The following VPS8 variants were observed in gnomAD, a reference collection of about 807,000 sequenced individuals.
VPS8 encodes the protein VPS8 subunit of CORVET complex, also known as vacuolar protein sorting-associated protein 8 homolog.
VPS8 carries 129 observed loss-of-function variants against 216.4 expected under a neutral mutation model. That is an observed-to-expected ratio of 0.60 (90% CI 0.52 to 0.69). The LOEUF is 0.69. Among genes scored for constraint, VPS8 ranks in the 30% least tolerant of loss-of-function variants. VPS8 has a pLI of 0.00. For missense variants in VPS8, 1,531 were observed against 1,683.5 expected (o/e 0.91, Z 1.59); for synonymous variants, 571 against 565.4 (o/e 1.01, Z -0.14).
At chr3:184,998,394 T>C (rs1165020510) in intron 44 of VPS8, among the ~76,000 whole-genome samples, 9 of 151,160 alleles carry the variant, frequency 6.0e-5, no homozygotes, top group African/African-American at 2.0e-4. Context: ...ATTTAGAAGG[T>C]AGTGGTATTT....
At chr3:184,966,789 T>G in intron 39 of VPS8, 76 bp downstream of exon 39, 2 of 1,115,878 alleles carry the variant, frequency 1.8e-6, no homozygotes, top group Admixed American at 4.5e-5. Flanking sequence ...TAAATTGCAT[T>G]TATTATGTAA....
At chr3:184,929,379 G>A (rs1040019424) in intron 32 of VPS8, among the ~76,000 whole-genome samples, 6 of 151,754 alleles carry the variant, frequency 4.0e-5, no homozygotes, top group Admixed American at 2.6e-4. Flanking sequence ...TTGTAGAGAC[G>A]GGGTCTTGCT....
intron 43 of VPS8, among the ~76,000 whole-genome samples, chr3:184,995,317 G>A (rs57755845): frequency 0.056 from 8,574 of 152,178 alleles, 291 homozygotes; most frequent in Middle Eastern, 0.12. Flanking sequence ...AGGAAAATCT[G>A]GGTGACAGCT....
intron 31 of VPS8, among the ~76,000 whole-genome samples, chr3:184,927,321 T>C (rs1285182977): frequency 6.6e-6 from 1 of 152,184 alleles, no homozygotes. Flanking sequence ...TGCTGAAGTA[T>C]GGCTTTATGG....
intron 1 of VPS8, among the ~76,000 whole-genome samples, chr3:184,813,309 C>G (rs1397922975): frequency 3.3e-5 from 5 of 152,154 alleles, no homozygotes; most frequent in African/African-American, 1.2e-4. Flanking sequence ...ACCCCAAAAC[C>G]CAAGCAAAAC....
In VPS8 at chr3:184,842,840, A is replaced by T. The variant is rs1003478417; in HGVS notation, c.536-400A>T. On this transcript the variant is annotated intron_variant, in intron 7 of 47. Transcript: ENST00000625842. ...ATTATAGGCATATAGTGTTTAAAAA[A>T]ATATATTGGTACTTACCTTATACAG... Among the ~76,000 whole-genome samples the T allele has an allele frequency of 2.0e-5, 3 of 152,198 alleles. No individual in the cohort carries two copies. The East Asian group carries it at 5.8e-4, about 29-fold the overall frequency.
At chr3:185,050,756 C>A (rs537864000) in intron 47 of VPS8, among the ~76,000 whole-genome samples, 1 of 152,176 alleles carries the variant, frequency 6.6e-6, no homozygotes, top group Non-Finnish European at 1.5e-5. Flanking sequence ...TTGGTAGACA[C>A]AGACAGGGCT....
At chr3:184,856,614 G>A (rs1235521087) in intron 14 of VPS8, among the ~76,000 whole-genome samples, 2 of 152,064 alleles carry the variant, frequency 1.3e-5, no homozygotes, top group Non-Finnish European at 2.9e-5. Context: ...AAGTCCTATT[G>A]ACTCTACCTC....
chr3:184,826,563 T>A (rs2108515998), intron 3 of VPS8, among the ~76,000 whole-genome samples: 1 of 152,334 alleles, frequency 6.6e-6, no homozygotes, highest in East Asian at 1.9e-4. Context: ...GCATAAACCA[T>A]CTCTTGTTCA....
At chr3:185,007,174 C>T (rs930303943) in intron 45 of VPS8, among the ~76,000 whole-genome samples, 8 of 152,180 alleles carry the variant, frequency 5.3e-5, no homozygotes, top group Non-Finnish European at 1.5e-5. Context: ...TTCCTTATCT[C>T]CCCCTCTTCC....
At chr3:184,940,519 C>A (rs1742495798) in intron 36 of VPS8, among the ~76,000 whole-genome samples, 1 of 152,140 alleles carries the variant, frequency 6.6e-6, no homozygotes, top group Non-Finnish European at 1.5e-5. Context: ...GCCACAAGGA[C>A]ATGTTTCAGA....
chr3:185,031,892 G>A (rs531317867), intron 46 of VPS8, among the ~76,000 whole-genome samples: 15 of 152,262 alleles, frequency 9.9e-5, no homozygotes, highest in South Asian at 4.1e-4. Context: ...AGCCGGGCTC[G>A]ATGGCTGACG....
chr3:184,914,257 G>T (rs1335216803), intron 26 of VPS8, among the ~76,000 whole-genome samples: 1 of 152,178 alleles, frequency 6.6e-6, no homozygotes, highest in Non-Finnish European at 1.5e-5. Context: ...CATTTACTTA[G>T]TGCTTTATCA....
chr3:184,932,921 G>A (rs533942168), intron 34 of VPS8, among the ~76,000 whole-genome samples: 9 of 152,230 alleles, frequency 5.9e-5, no homozygotes, highest in South Asian at 2.1e-4. Context: ...ACAATCATCC[G>A]TATATGTGCA....
rs1186136967 is a variant in VPS8, at chr3:184,894,531, T to TATATATAC, written c.1782-171_1782-170insTATATACA. Among the ~76,000 whole-genome samples, 5 of 98,972 alleles carry TATATATAC rather than the reference T, an allele frequency of 5.1e-5. 1 individual carries two copies. The highest frequency in any genetic ancestry group is 6.9e-4 in the South Asian group (2 of 2,880). The allele number at this position is 98,972 out of a possible 152,430, so 64.9% of individuals were successfully genotyped here. On this transcript the variant is annotated intron_variant, in intron 22 of 47. Coordinates refer to ENST00000625842, the MANE Select transcript of VPS8 (RefSeq NM_001009921.3). ...ACGTATATATATATATATATATATA[T>TATATATAC]ACACACACACACAAAGTTTTTGCAG...
chr3:185,015,466 A>G (rs1755658444), intron 45 of VPS8, among the ~76,000 whole-genome samples: 1 of 152,248 alleles, frequency 6.6e-6, no homozygotes, highest in South Asian at 2.1e-4. Flanking sequence ...AAAGCAGTCA[A>G]TACCTCAATT....
rs530617719 is a variant in VPS8 at position 185,019,522 on chromosome 3, A to G, written c.4003-4814A>G. Among the ~76,000 whole-genome samples, 10 of 152,330 alleles carry G rather than the reference A, an allele frequency of 6.6e-5. No individual in the cohort carries two copies. In the East Asian group the frequency reaches 1.9e-3, roughly 29 times the overall value. ...TAACTAAAAGCATTTCTTACAGGAAATAAAGGGATGGGCCGAAATAAAGGG... is the reference window on the plus strand; with the variant it reads ...TAACTAAAAGCATTTCTTACAGGAAGTAAAGGGATGGGCCGAAATAAAGGG... On this transcript the variant is annotated intron_variant, in intron 45 of 47. Coordinates refer to ENST00000625842, the MANE Select transcript of VPS8 (RefSeq NM_001009921.3).
intron 46 of VPS8, among the ~76,000 whole-genome samples, chr3:185,041,883 G>A (rs552592919): frequency 1.3e-5 from 2 of 152,296 alleles, no homozygotes; most frequent in African/African-American, 4.8e-5. Flanking sequence ...TCTTCATACA[G>A]TATCAAACAT....
At chr3:184,969,901 CTTTTTTT>C (rs755680287) in intron 39 of VPS8, among the ~76,000 whole-genome samples, 8 of 110,220 alleles carry the variant, frequency 7.3e-5, no homozygotes, top group East Asian at 3.0e-4. Context: ...TACTTTCTTA[CTTTTTTT>C]TTTTTTTTTT....
Sources: gnomAD v4.1 joint callset for allele counts (sites outside exome capture counted in the v4.1 genomes callset) on GRCh38, gnomAD v4.1.1 for gene constraint, MANE v1.5 for transcripts, NCBI Gene and HGNC (gene_info 2026-07-23, HGNC 2026-07-21) for gene names.